The following NCMAP variants were observed in gnomAD, a reference collection of about 807,000 sequenced individuals.
The protein encoded by NCMAP is non-compact myelin associated protein, also known as noncompact myelin-associated protein.
A neutral mutation model predicts 7.8 loss-of-function variants in NCMAP; 8 were observed. The ratio of observed to expected loss-of-function variants is 1.02; its 90% CI spans 0.60 to 1.84. NCMAP has a LOEUF of 1.84. Among genes scored for constraint, NCMAP ranks in the 40% most tolerant of loss-of-function variants. The pLI is 0.00. For missense variants in NCMAP, 112 were observed against 131.4 expected, an observed-to-expected ratio of 0.85 and a Z score of 0.72; for synonymous variants, 41 against 52.9, an observed-to-expected ratio of 0.78 and a Z score of 0.98.
Position 24,605,631 on chromosome 1 carries a change from G to T in NCMAP, c.193G>T (p.Glu65Ter), listed in dbSNP as rs1244243961. ...GAAAATGAGGACGAGGCGGGAACTA[G>T]AGCCCAAGGGCCCCAAGCCAACCGC... The part of the protein sequence containing the change: ...NRKMRTRREL[E>*]PKGPKPTAPS... Residue 65 changes from glutamate (E) to a stop codon, truncating the protein, a stop_gained, in exon 4 of 4, where the codon GAG becomes TAG. Coordinates refer to ENST00000374392, the MANE Select transcript of NCMAP (RefSeq NM_001010980.5). LOFTEE classifies it high-confidence loss of function. 1 of 1,614,198 alleles carries T rather than the reference G, an allele frequency of 6.2e-7. No homozygotes were observed. The highest frequency in any genetic ancestry group is 8.5e-7 in the Non-Finnish European group (1 of 1,180,038).
chr1:24,597,640 A>AGAAAGAAAGG (rs1557602572), intron 2 of NCMAP, among the ~76,000 whole-genome samples: 11 of 123,612 alleles, frequency 8.9e-5, no homozygotes, highest in East Asian at 4.5e-4. Context: ...AGAAAGAAAG[A>AGAAAGAAAGG]AAGAAAGAAA....
At position 24,595,424 on chromosome 1, in the gene NCMAP, G is replaced by A; in HGVS notation, c.-7G>A. ...AAAATATCTTCTTCTTTCTCATCAG[G>A]ATCGAGATGACCACAGCCACCCCTC... On this transcript the variant is annotated splice_region_variant and 5_prime_UTR_variant, in exon 2 of 4. Coordinates refer to ENST00000374392, the MANE Select transcript of NCMAP (RefSeq NM_001010980.5). 6.2e-7 allele frequency: 1 copy of A among 1,605,172 alleles called. No homozygotes were observed.
chr1:24,586,429 C>T (rs889757322), intron 1 of NCMAP, among the ~76,000 whole-genome samples: 1 of 152,196 alleles, frequency 6.6e-6, no homozygotes, highest in Non-Finnish European at 1.5e-5. Flanking sequence ...TGTCATCATG[C>T]GACTGTCACT....
In NCMAP at chr1:24,557,893, GA is replaced by G. The variant is rs150304444; in HGVS notation, c.-8+1726del. On this transcript the variant is annotated intron_variant, in intron 1 of 3. Coordinates refer to ENST00000374392, the MANE Select transcript of NCMAP (RefSeq NM_001010980.5). ...TTGAGGAACTGGCTGGGCTCTGTGG[GA>G]ATCTAGTGTAGTGGTTTCCTATCAA... Among the ~76,000 whole-genome samples, 1,487 of 152,282 alleles carry G rather than the reference GA, an allele frequency of 9.8e-3. 29 individuals are homozygous for G. The highest frequency in any genetic ancestry group is 0.034 in the African/African-American group (1,422 of 41,552).
At position 24,595,151 on chromosome 1, in the gene NCMAP, G is replaced by A. The variant is rs925312212; in HGVS notation, c.-7-273G>A. 7.9e-5 allele frequency among the ~76,000 whole-genome samples: 12 copies of A among 152,116 alleles called. 1 individual carries two copies. In the South Asian group the frequency reaches 1.0e-3, roughly 13 times the overall value. On this transcript the variant is annotated intron_variant, in intron 1 of 3. Coordinates refer to ENST00000374392, the MANE Select transcript of NCMAP (RefSeq NM_001010980.5). ...ACAGTAACTCACCTCACATAGTTTCGAGAGATTGATCCAGATATTTGAAGG... is the reference window on the plus strand; with the variant it reads ...ACAGTAACTCACCTCACATAGTTTCAAGAGATTGATCCAGATATTTGAAGG...
At chr1:24,575,656 A>G (rs947747786) in intron 1 of NCMAP, among the ~76,000 whole-genome samples, 7 of 152,090 alleles carry the variant, frequency 4.6e-5, no homozygotes, top group African/African-American at 1.7e-4. Context: ...TTTAAAACTG[A>G]GAAAACTGCC....
intron 1 of NCMAP, among the ~76,000 whole-genome samples, chr1:24,561,355 G>T (rs1288541600): frequency 6.6e-6 from 1 of 151,846 alleles, no homozygotes; most frequent in East Asian, 1.9e-4. Flanking sequence ...TTCAAAAAAA[G>T]AAAAAGAAAT....
intron 2 of NCMAP, among the ~76,000 whole-genome samples, chr1:24,596,774 A>G (rs1652243871): frequency 6.6e-6 from 1 of 152,236 alleles, no homozygotes; most frequent in African/African-American, 2.4e-5. Context: ...ATGAAAGAGT[A>G]AATGAATGTA....
intron 1 of NCMAP, among the ~76,000 whole-genome samples, chr1:24,584,998 T>G (rs1651842674): frequency 1.3e-5 from 2 of 149,962 alleles, no homozygotes; most frequent in East Asian, 2.0e-4. Context: ...GGGGCATGAG[T>G]GGATAGCAGG....
intron 1 of NCMAP, among the ~76,000 whole-genome samples, chr1:24,581,315 C>T (rs1651737939): frequency 6.6e-6 from 1 of 152,088 alleles, no homozygotes; most frequent in African/African-American, 2.4e-5. Context: ...TGGGGTTTCA[C>T]CATATTGACC....
At chr1:24,604,608 ATATATATATATATATATATAT>A (rs1652647867) in intron 3 of NCMAP, among the ~76,000 whole-genome samples, 4 of 8,974 alleles carry the variant, frequency 4.5e-4, no homozygotes, top group South Asian at 6.3e-3. Context: ...AAAAAAAAAT[ATATATATATATATATATATAT>A]ATATATATAT....
Position 24,606,243 on chromosome 1 carries a change from T to C in NCMAP, c.*496T>C, listed in dbSNP as rs975348807. 2 of 153,238 alleles carry C rather than the reference T, an allele frequency of 1.3e-5. No individual in the cohort carries two copies. Among genetic ancestry groups the C allele is most frequent in the East Asian group, 3.8e-4 (2 of 5,214 alleles). 9.5% of individuals were successfully genotyped at this position (153,238 alleles called of 1,614,324 possible). A position where few individuals can be genotyped will look rare whatever the true frequency, so the allele number is the denominator to read the frequency against. On this transcript the variant is annotated 3_prime_UTR_variant, in exon 4 of 4. Coordinates refer to ENST00000374392, the MANE Select transcript of NCMAP (RefSeq NM_001010980.5). Reference sequence around the variant, plus strand: ...CTAACCAGAAAACCTTGTTAACGTATAACTTGTTCCAGTACTACATCTCTG... The same window carrying C: ...CTAACCAGAAAACCTTGTTAACGTACAACTTGTTCCAGTACTACATCTCTG...
At chr1:24,563,243 C>T (rs1430525764) in intron 1 of NCMAP, among the ~76,000 whole-genome samples, 1 of 152,184 alleles carries the variant, frequency 6.6e-6, no homozygotes, top group Non-Finnish European at 1.5e-5. Context: ...GTGACTTGGC[C>T]GGGCAAGGTG....
intron 1 of NCMAP, among the ~76,000 whole-genome samples, chr1:24,557,834 G>A (rs149504094): frequency 5.8e-4 from 88 of 152,274 alleles, no homozygotes; most frequent in Non-Finnish European, 7.8e-4. Context: ...CAGCCGCGGC[G>A]CGTGCGGTGA....
intron 1 of NCMAP, among the ~76,000 whole-genome samples, chr1:24,594,583 G>A (rs1043671706): frequency 1.3e-5 from 2 of 152,160 alleles, no homozygotes; most frequent in African/African-American, 4.8e-5. Flanking sequence ...ACTCTCTTCC[G>A]ATTGAAGGCT....
At chr1:24,574,813 TGAGAC>T (rs1651498224) in intron 1 of NCMAP, among the ~76,000 whole-genome samples, 1 of 149,042 alleles carries the variant, frequency 6.7e-6, no homozygotes, top group South Asian at 2.1e-4. Flanking sequence ...TTTTTTTTTT[TGAGAC>T]GGAGTCTCAC....
chr1:24,575,933 A>T (rs1289100232), intron 1 of NCMAP, among the ~76,000 whole-genome samples: 2 of 150,228 alleles, frequency 1.3e-5, no homozygotes, highest in Non-Finnish European at 2.9e-5. Flanking sequence ...AAAAAAAAAA[A>T]AAAAAAAATG....
At position 24,567,211 on chromosome 1, in the gene NCMAP, A is replaced by C. The variant is rs1392793730; in HGVS notation, c.-8+11042A>C. On this transcript the variant is annotated intron_variant, in intron 1 of 3. Coordinates refer to ENST00000374392, the MANE Select transcript of NCMAP (RefSeq NM_001010980.5). Reference sequence around the variant, plus strand: ...TTCATTCAAGTGCCTTCTAAACAGCAGGCCTTGTGCTGGGTGCTGGCAGGA... The same window carrying C: ...TTCATTCAAGTGCCTTCTAAACAGCCGGCCTTGTGCTGGGTGCTGGCAGGA... Among the ~76,000 whole-genome samples, 8 of 152,148 alleles carry C rather than the reference A, an allele frequency of 5.3e-5. No individual in the cohort carries two copies. The East Asian group carries it at 1.5e-3, about 29-fold the overall frequency.
intron 3 of NCMAP, among the ~76,000 whole-genome samples, chr1:24,603,174 A>T (rs952133600): frequency 3.3e-5 from 5 of 152,178 alleles, no homozygotes; most frequent in Admixed American, 3.3e-4. Flanking sequence ...ATCCTCATCT[A>T]ACAACCGCAC....
Sources: allele counts gnomAD v4.1 joint callset (sites outside exome capture counted in the v4.1 genomes callset), GRCh38; gene constraint gnomAD v4.1.1; transcripts MANE v1.5; gene names NCBI Gene and HGNC (gene_info 2026-07-23, HGNC 2026-07-21).